The following GPHN variants were observed in gnomAD, a reference collection of about 807,000 sequenced individuals.
GPHN encodes the protein gephyrin.
Under a neutral mutation model 95.5 loss-of-function variants are expected in GPHN, and 17 were observed. The ratio of observed to expected loss-of-function variants is 0.18; its 90% CI spans 0.12 to 0.27. The LOEUF is 0.27. Among genes scored for constraint, GPHN ranks in the 10% least tolerant of loss-of-function variants. The pLI, the probability that GPHN is intolerant of heterozygous loss-of-function variation, is 1.00. For missense variants in GPHN, 660 were observed against 978.1 expected (o/e 0.67, Z 4.34); for synonymous variants, 320 against 322.5 (o/e 0.99, Z 0.08).
intron 5 of GPHN, among the ~76,000 whole-genome samples, chr14:66,904,244 C>T (rs1179496501): frequency 6.6e-6 from 1 of 151,994 alleles, no homozygotes; most frequent in East Asian, 1.9e-4. Context: ...ACAAACCTTC[C>T]ACAGGGTGGA....
the GPHN span, chr14:67,336,648 T>C: frequency 4.5e-6 from 2 of 449,022 alleles, no homozygotes; most frequent in African/African-American, 4.0e-5. Flanking sequence ...AAATCATACT[T>C]GACTTGCATT....
In GPHN at chr14:66,687,381, G is replaced by T. The variant is rs542558147; in HGVS notation, c.143+6196G>T. On this transcript the variant is annotated intron_variant, in intron 2 of 22. Coordinates refer to ENST00000478722, the MANE Select transcript of GPHN (RefSeq NM_020806.5). ...TTAGGATTATTTTTTCTATTTTTGT[G>T]ATGAATGTCATTGGTATTTTGATAG... is the stretch of plus-strand genomic sequence containing the variant. Among the ~76,000 whole-genome samples the T allele has an allele frequency of 5.2e-4, 79 of 151,778 alleles. 3 individuals carry two copies. Among genetic ancestry groups the T allele is most frequent in the African/African-American group, 1.9e-3 (78 of 41,384 alleles).
the GPHN span, among the ~76,000 whole-genome samples, chr14:67,290,340 A>T: frequency 6.6e-6 from 1 of 152,212 alleles, no homozygotes; most frequent in Non-Finnish European, 1.5e-5. Context: ...TATAGTTCTG[A>T]TAGACCAGTG....
intron 1 of GPHN, among the ~76,000 whole-genome samples, chr14:66,641,262 A>G (rs989649136): frequency 1.1e-4 from 17 of 152,230 alleles, no homozygotes; most frequent in African/African-American, 4.1e-4. Context: ...GTGATATGTA[A>G]TAGAATACTC....
At chr14:66,530,953 A>ATTTTTTTTTTT (rs569763873) in intron 1 of GPHN, among the ~76,000 whole-genome samples, 1 of 121,182 alleles carries the variant, frequency 8.3e-6, no homozygotes, top group Non-Finnish European at 1.7e-5. Flanking sequence ...TGTTTGTTAG[A>ATTTTTTTTTTT]TTTTTTTTTT....
At chr14:67,216,324 C>A in the GPHN span, among the ~76,000 whole-genome samples, 1 of 151,988 alleles carries the variant, frequency 6.6e-6, no homozygotes, top group Non-Finnish European at 1.5e-5. Context: ...GTTTTGGTAT[C>A]AGGGCAATGC....
the GPHN span, among the ~76,000 whole-genome samples, chr14:67,494,767 C>T: frequency 6.6e-6 from 1 of 152,136 alleles, no homozygotes; most frequent in Non-Finnish European, 1.5e-5. Flanking sequence ...AGAACGAAGG[C>T]TCGCCCAACA....
the GPHN span, chr14:67,387,431 G>A: frequency 4.4e-6 from 7 of 1,608,818 alleles, no homozygotes; most frequent in African/African-American, 1.3e-5. Flanking sequence ...CTTTGAAGAG[G>A]TTTCCCTGGA....
the GPHN span, chr14:67,722,573 A>G: frequency 1.9e-4 from 249 of 1,333,756 alleles, no homozygotes; most frequent in Non-Finnish European, 2.6e-4. Flanking sequence ...CCAGACCAGG[A>G]ACCTGAGCCA....
chr14:67,023,744 G>GA (rs971264346), intron 10 of GPHN, 69 bp downstream of exon 10: 119 of 1,272,150 alleles, frequency 9.4e-5, no homozygotes, highest in Middle Eastern at 1.9e-4. Flanking sequence ...ATATTTTGGT[G>GA]AAAAAAAAGA....
chr14:67,489,453 G>C, the GPHN span, among the ~76,000 whole-genome samples: 2 of 152,196 alleles, frequency 1.3e-5, no homozygotes, highest in Non-Finnish European at 2.9e-5. Flanking sequence ...TGTCCATGCA[G>C]CTTCTGGTCA....
At chr14:66,672,298 C>A (rs1255453856) in intron 1 of GPHN, among the ~76,000 whole-genome samples, 1 of 152,058 alleles carries the variant, frequency 6.6e-6, no homozygotes, top group African/African-American at 2.4e-5. Context: ...GGTCTGAGAG[C>A]CAACACTATA....
At chr14:67,522,577 A>G in the GPHN span, among the ~76,000 whole-genome samples, 3 of 152,218 alleles carry the variant, frequency 2.0e-5, no homozygotes, top group Non-Finnish European at 2.9e-5. Flanking sequence ...AGCCAGATAC[A>G]GTGATTGCAG....
At chr14:66,683,035 C>T (rs1489888867) in intron 2 of GPHN, among the ~76,000 whole-genome samples, 1 of 151,542 alleles carries the variant, frequency 6.6e-6, no homozygotes, top group African/African-American at 2.4e-5. Context: ...TCTCAGACTA[C>T]TTCATTGGAA....
intron 11 of GPHN, among the ~76,000 whole-genome samples, chr14:67,086,589 C>T (rs1207417591): frequency 1.0e-4 from 15 of 147,414 alleles, no homozygotes; most frequent in African/African-American, 3.0e-4. Flanking sequence ...GGGGCGGAGC[C>T]TGCAGTGAGC....
chr14:66,692,110 T>C (rs1168255889), intron 2 of GPHN, among the ~76,000 whole-genome samples: 1 of 152,184 alleles, frequency 6.6e-6, no homozygotes, highest in African/African-American at 2.4e-5. Flanking sequence ...CAGATGCAAA[T>C]AGGTTAAGGA....
At chr14:67,327,762 A>C in the GPHN span, among the ~76,000 whole-genome samples, 1 of 152,006 alleles carries the variant, frequency 6.6e-6, no homozygotes, top group Non-Finnish European at 1.5e-5. Context: ...TCCTTGTGAT[A>C]GTTTTCTCAG....
At chr14:66,892,369 G>T (rs1379311371) in intron 5 of GPHN, among the ~76,000 whole-genome samples, 1 of 152,180 alleles carries the variant, frequency 6.6e-6, no homozygotes, top group African/African-American at 2.4e-5. Flanking sequence ...GTTACAGTGA[G>T]CTGTGATCAT....
intron 9 of GPHN, among the ~76,000 whole-genome samples, chr14:67,000,491 A>G (rs2072140221): frequency 6.6e-6 from 1 of 151,700 alleles, no homozygotes; most frequent in Non-Finnish European, 1.5e-5. Context: ...TCATTTAGAA[A>G]ATCTTTAATA....
Sources: allele counts gnomAD v4.1 joint callset (sites outside exome capture counted in the v4.1 genomes callset), GRCh38; gene constraint gnomAD v4.1.1; transcripts MANE v1.5; gene names NCBI Gene and HGNC (gene_info 2026-07-23, HGNC 2026-07-21).